Variants in PTPRC observed in about 807,000 individuals in gnomAD.
PTPRC encodes the protein protein tyrosine phosphatase receptor type C.
A neutral mutation model predicts 155.9 loss-of-function variants in PTPRC; 44 were observed. That is an observed-to-expected ratio of 0.28 (90% confidence interval 0.22 to 0.36). PTPRC has a LOEUF of 0.36. Among genes scored for constraint, PTPRC ranks in the 10% least tolerant of loss-of-function variants. PTPRC has a pLI of 1.00. For synonymous variants in PTPRC, 525 were observed against 533.1 expected (o/e 0.98, Z 0.21); for missense variants, 1,401 against 1,564.6 (o/e 0.90, Z 1.76).
chr1:198,731,471 T>C lies in PTPRC; in HGVS notation c.1865-146T>C, dbSNP rs1654384323. On this transcript the variant is annotated intron_variant, in intron 17 of 32. Coordinates refer to ENST00000442510, the MANE Select transcript of PTPRC (RefSeq NM_002838.5). ...AAGTCATTGATTTATAGGTAAATGT[T>C]TGTATGTGAGTGAGATTTCTCAGAT... is the stretch of plus-strand genomic sequence containing the variant. 30 of 654,220 alleles carry C rather than the reference T, an allele frequency of 4.6e-5. No homozygotes were observed. In the South Asian group the frequency reaches 4.8e-4, roughly 10 times the overall value. The allele number at this position is 654,220 out of a possible 1,614,324, so 40.5% of individuals were successfully genotyped here.
At chr1:198,685,055 A>G (rs1338449448) in intron 2 of PTPRC, among the ~76,000 whole-genome samples, 3 of 152,042 alleles carry the variant, frequency 2.0e-5, no homozygotes, top group East Asian at 3.8e-4. Context: ...TAGTTTCCTT[A>G]TATATCAAAT....
intron 2 of PTPRC, among the ~76,000 whole-genome samples, chr1:198,688,007 T>C (rs1319475573): frequency 2.0e-5 from 3 of 152,064 alleles, no homozygotes; most frequent in African/African-American, 7.2e-5. Flanking sequence ...GCAAGTTGAG[T>C]CTTACACTAA....
chr1:198,709,545 G>T (rs1161103043), intron 10 of PTPRC, 142 bp from the exon 11 acceptor site: 28 of 755,946 alleles, frequency 3.7e-5, no homozygotes, highest in Non-Finnish European at 4.6e-5. Context: ...TATTTTTAGG[G>T]TTTTTTATTA....
chr1:198,742,402 G>C (rs1314259198), intron 25 of PTPRC, 35 bp downstream of exon 25: 11 of 1,609,386 alleles, frequency 6.8e-6, no homozygotes, highest in Non-Finnish European at 9.3e-6. Flanking sequence ...TTCTCACTTT[G>C]GTTTTTTGGA....
rs771941224 is a variant in PTPRC at position 198,732,527 on chromosome 1, T to C, written c.2113T>C (p.Ser705Pro). ...CTCTGAGATAAACGGAGATGCAGGG[T>C]CAAACTACATAAATGCCAGCTATAT... The part of the protein sequence containing the change: ...ELSEINGDAG[S>P]NYINASYIDG... Residue 705 changes from serine (S) to proline (P), a missense_variant, in exon 20 of 33, where the codon TCA becomes CCA. Physicochemically the swap from Ser to Pro is moderately conservative, Grantham distance 74. This residue lies in a region of PTPRC where 867 missense variants were observed against 970.4 expected (regional missense o/e 0.89). Coordinates refer to ENST00000442510, the MANE Select transcript of PTPRC (RefSeq NM_002838.5). 7 of 1,610,450 alleles carry C rather than the reference T, an allele frequency of 4.3e-6. No individual in the cohort carries two copies. The East Asian group carries it at 1.6e-4, about 36-fold the overall frequency.
At chr1:198,711,614 G>A (rs895894002) in intron 11 of PTPRC, among the ~76,000 whole-genome samples, 1 of 152,172 alleles carries the variant, frequency 6.6e-6, no homozygotes, top group African/African-American at 2.4e-5. Flanking sequence ...AAACTTTTTT[G>A]ATGAATTGGA....
At position 198,718,306 on chromosome 1, in the gene PTPRC, A is replaced by G; in HGVS notation, c.1659+4A>G. 6.2e-7 allele frequency: 1 copy of G among 1,604,228 alleles called. No individual in the cohort carries two copies. Among genetic ancestry groups the G allele is most frequent in the Non-Finnish European group, 8.5e-7 (1 of 1,171,604 alleles). ...TTCAACAGACTACACTTTTAAGGTA[A>G]AAGTATGCTCTCTACATTACTATAG... is the stretch of plus-strand genomic sequence containing the variant. On this transcript the variant is annotated splice_donor_region_variant and intron_variant, in intron 14 of 32. Transcript: ENST00000442510.
chr1:198,754,713 T>C (rs901857533), intron 32 of PTPRC, among the ~76,000 whole-genome samples: 45 of 152,206 alleles, frequency 3.0e-4, no homozygotes, highest in African/African-American at 1.0e-3. Flanking sequence ...TATCGATTTG[T>C]GTTGTGTAAC....
Position 198,732,471 on chromosome 1 carries a change from C to A in PTPRC, c.2066-9C>A, listed in dbSNP as rs1318006402. 8 of 1,609,686 alleles carry A rather than the reference C, an allele frequency of 5.0e-6. No individual in the cohort carries two copies. Among genetic ancestry groups the A allele is most frequent in the Non-Finnish European group, 6.8e-6 (8 of 1,177,104 alleles). ...ATTTCACTTGTTTATTTTTCTTTTC[C>A]TTAAACAGATGATTATAACCGTGTT... On this transcript the variant is annotated splice_polypyrimidine_tract_variant and intron_variant, in intron 19 of 32. Coordinates refer to ENST00000442510, the MANE Select transcript of PTPRC (RefSeq NM_002838.5).
At chr1:198,674,443 A>G (rs1037029261) in intron 2 of PTPRC, among the ~76,000 whole-genome samples, 1 of 151,178 alleles carries the variant, frequency 6.6e-6, no homozygotes, top group African/African-American at 2.4e-5. Flanking sequence ...GATGGATAAC[A>G]TTGCCTTTTT....
intron 15 of PTPRC, among the ~76,000 whole-genome samples, chr1:198,723,535 T>G (rs969664220): frequency 2.0e-5 from 3 of 152,234 alleles, no homozygotes; most frequent in Non-Finnish European, 2.9e-5. Flanking sequence ...GCTTTGATTT[T>G]ATTTCCACAT....
chr1:198,640,217 T>C (rs146873729), intron 2 of PTPRC, among the ~76,000 whole-genome samples: 37 of 152,146 alleles, frequency 2.4e-4, no homozygotes, highest in African/African-American at 8.2e-4. Flanking sequence ...TTATAGAATG[T>C]AACTAATAAT....
rs1216485803 is a variant in PTPRC at position 198,702,653 on chromosome 1, T to A, written c.583+123T>A. The stretch of plus-strand genomic sequence containing the variant: ...TTGTAGGTTTCCCATTTTACAAATG[T>A]TCACGTATCAACACCAAATTATGCA... On this transcript the variant is annotated intron_variant, in intron 6 of 32. Coordinates refer to ENST00000442510, the MANE Select transcript of PTPRC (RefSeq NM_002838.5). The A allele has an allele frequency of 1.7e-5, 23 of 1,346,794 alleles. No individual in the cohort carries two copies. In the East Asian group the frequency reaches 5.3e-4, roughly 31 times the overall value. The allele number at this position is 1,346,794 out of a possible 1,614,324, so 83.4% of individuals were successfully genotyped here. A position where few individuals can be genotyped will look rare whatever the true frequency, so the allele number is the denominator to read the frequency against.
chr1:198,709,401 C>G (rs1251675531), intron 10 of PTPRC, among the ~76,000 whole-genome samples: 2 of 151,344 alleles, frequency 1.3e-5, no homozygotes, highest in African/African-American at 4.9e-5. Context: ...GTCCTCTTCC[C>G]AATATATTGT....
intron 3 of PTPRC, chr1:198,694,783 C>T (rs1020700317): frequency 2.1e-6 from 2 of 942,578 alleles, no homozygotes; most frequent in Non-Finnish European, 2.5e-6. Context: ...CTTTTCCTTT[C>T]TTTTCTCCCA....
chr1:198,756,762 A>AGTT lies in PTPRC; in HGVS notation c.*585_*587dup, dbSNP rs989086528. The AGTT allele has an allele frequency of 2.6e-5, 4 of 152,032 alleles. No individual in the cohort carries two copies. The highest frequency in any genetic ancestry group is 4.4e-5 in the Non-Finnish European group (3 of 67,966). 9.4% of individuals were successfully genotyped at this position (152,032 alleles called of 1,614,324 possible). On this transcript the variant is annotated 3_prime_UTR_variant, in exon 33 of 33. Transcript: ENST00000442510. ...ATGTGTGTGTATGCTACTACAAAAA[A>AGTT]GTTGTTAACTAAATTAACATTGGGA...
Position 198,752,231 on chromosome 1 carries a change from T to C in PTPRC, c.3208-18T>C, listed in dbSNP as rs1442899312. The C allele has an allele frequency of 2.5e-6, 4 of 1,608,162 alleles. No homozygotes were observed. Among genetic ancestry groups the C allele is most frequent in the Non-Finnish European group, 3.4e-6 (4 of 1,175,274 alleles). Reference sequence around the variant, plus strand: ...TTCAAATAGGAAACAAATTGTTGAATTGTCTTCTTTTATCTAGGAAATCTG... The same window carrying C: ...TTCAAATAGGAAACAAATTGTTGAACTGTCTTCTTTTATCTAGGAAATCTG... On this transcript the variant is annotated intron_variant, in intron 29 of 32. Coordinates refer to ENST00000442510, the MANE Select transcript of PTPRC (RefSeq NM_002838.5).
intron 2 of PTPRC, among the ~76,000 whole-genome samples, chr1:198,680,872 A>T (rs777458528): frequency 6.6e-6 from 1 of 152,148 alleles, no homozygotes; most frequent in Non-Finnish European, 1.5e-5. Context: ...GAGTTAGGAG[A>T]AAATGCAGGA....
intron 14 of PTPRC, among the ~76,000 whole-genome samples, chr1:198,719,299 TC>T (rs1421846536): frequency 1.3e-5 from 2 of 152,144 alleles, no homozygotes; most frequent in African/African-American, 4.8e-5. Flanking sequence ...TAATGAAGTT[TC>T]TTTACTTATT....
Sources: allele counts gnomAD v4.1 joint callset (sites outside exome capture counted in the v4.1 genomes callset), GRCh38; gene constraint gnomAD v4.1.1; regional missense constraint gnomAD v4.1.1; transcripts MANE v1.5; gene names NCBI Gene and HGNC (gene_info 2026-07-23, HGNC 2026-07-21).